Variants in PPP4R3B observed in about 807,000 individuals in gnomAD.
PPP4R3B encodes protein phosphatase 4 regulatory subunit 3B, also known as serine/threonine-protein phosphatase 4 regulatory subunit 3B.
PPP4R3B carries 52 observed loss-of-function variants against 95.4 expected under a neutral mutation model. The ratio of observed to expected loss-of-function variants is 0.54; its 90% CI spans 0.44 to 0.69. PPP4R3B has a LOEUF of 0.69. PPP4R3B is among the 30% of genes least tolerant of loss of function. The pLI is 0.00. For missense variants in PPP4R3B, 1,003 were observed against 1,005.9 expected, an observed-to-expected ratio of 1.00 and a Z score of 0.04; for synonymous variants, 407 against 343.9, an observed-to-expected ratio of 1.18 and a Z score of -2.03.
Position 55,598,700 on chromosome 2 carries a change from T to A in PPP4R3B, c.637A>T (p.Met213Leu), listed in dbSNP as rs1274816055. Residue 213 changes from methionine (M) to leucine (L), a missense_variant, in exon 4 of 17, where the codon ATG becomes TTG. Coordinates refer to ENST00000616407, the MANE Select transcript of PPP4R3B (RefSeq NM_001122964.3). ...TCCATGATACACTCATCAGAAAACA[T>A]TACCTCAAAAAGAGTTGCCTTATTT... ...FLNKATLFEV[M>L]FSDECIMDVV... 1 of 1,614,212 alleles carries A rather than the reference T, an allele frequency of 6.2e-7. No homozygotes were observed. The highest frequency in any genetic ancestry group is 8.5e-7 in the Non-Finnish European group (1 of 1,180,038).
At chr2:55,606,046 T>G (rs982932282) in intron 2 of PPP4R3B, among the ~76,000 whole-genome samples, 1 of 150,446 alleles carries the variant, frequency 6.6e-6, no homozygotes, top group East Asian at 2.0e-4. Context: ...AAGAAATAAA[T>G]AGAGCTACTC....
chr2:55,601,916 C>T (rs1692674354), intron 3 of PPP4R3B, among the ~76,000 whole-genome samples: 1 of 152,094 alleles, frequency 6.6e-6, no homozygotes, highest in African/African-American at 2.4e-5. Flanking sequence ...CTGGCCCATG[C>T]TGCAGTTATT....
At chr2:55,580,824 G>C (rs1010877063) in intron 8 of PPP4R3B, among the ~76,000 whole-genome samples, 3 of 152,026 alleles carry the variant, frequency 2.0e-5, no homozygotes, top group Admixed American at 6.6e-5. Flanking sequence ...TAATATTCTG[G>C]AGTATCTAAT....
Position 55,584,349 on chromosome 2 carries a change from T to G in PPP4R3B, c.1233+702A>C, listed in dbSNP as rs189197171. Among the ~76,000 whole-genome samples, 11 of 152,314 alleles carry G rather than the reference T, an allele frequency of 7.2e-5. No homozygotes were observed. The East Asian group carries it at 2.1e-3, about 29-fold the overall frequency. On this transcript the variant is annotated intron_variant, in intron 7 of 16. Coordinates refer to ENST00000616407, the MANE Select transcript of PPP4R3B (RefSeq NM_001122964.3). ...CATTATTAAACTGTCTTTTTTTTAA[T>G]GTTTTTTATTTCCATAGGTGGTTGG...
chr2:55,603,567 C>T (rs1403941376), intron 3 of PPP4R3B, among the ~76,000 whole-genome samples: 9 of 152,170 alleles, frequency 5.9e-5, no homozygotes, highest in Admixed American at 5.9e-4. Flanking sequence ...ACTCTAAGTT[C>T]CACATAAACT....
In PPP4R3B at chr2:55,614,426, A is replaced by G. The variant is rs192306206; in HGVS notation, c.198+1025T>C. On this transcript the variant is annotated intron_variant, in intron 2 of 16. Transcript: ENST00000616407. ...CTATACAGAGTTTAAAAAGAAAACT[A>G]GATCTACATTGTTAACATGAACGAA... is the stretch of plus-strand genomic sequence containing the variant. 1.6e-4 allele frequency: 25 copies of G among 152,356 alleles called. No individual in the cohort carries two copies. The East Asian group carries it at 3.1e-3, about 19-fold the overall frequency. The allele number at this position is 152,356 out of a possible 1,614,324, so 9.4% of individuals were successfully genotyped here.
At chr2:55,584,477 G>GT (rs1398974517) in intron 7 of PPP4R3B, among the ~76,000 whole-genome samples, 1 of 152,018 alleles carries the variant, frequency 6.6e-6, no homozygotes, top group Non-Finnish European at 1.5e-5. Context: ...CCTATTTGTA[G>GT]TTTTTTTATC....
chr2:55,572,538 C>A (rs1377811667), intron 12 of PPP4R3B, among the ~76,000 whole-genome samples: 1 of 152,100 alleles, frequency 6.6e-6, no homozygotes, highest in African/African-American at 2.4e-5. Flanking sequence ...TTTTCAGTAT[C>A]AGATTGATAA....
At chr2:55,574,676 C>T (rs62165197) in intron 11 of PPP4R3B, among the ~76,000 whole-genome samples, 66,998 of 150,852 alleles carry the variant, frequency 0.44, 15,676 homozygotes, top group Non-Finnish European at 0.52. Flanking sequence ...TCACAGTAAG[C>T]TCCATCTCCT....
intron 1 of PPP4R3B, among the ~76,000 whole-genome samples, chr2:55,616,884 C>T (rs772503085): frequency 6.6e-6 from 1 of 152,154 alleles, no homozygotes; most frequent in Non-Finnish European, 1.5e-5. Context: ...CTCTCACACT[C>T]TCCCCTCTTC....
chr2:55,585,770 C>A (rs1392832590), intron 6 of PPP4R3B, among the ~76,000 whole-genome samples: 3 of 152,130 alleles, frequency 2.0e-5, no homozygotes, highest in African/African-American at 7.2e-5. Context: ...GAAAACACTC[C>A]CCAACCCAGC....
At position 55,599,027 on chromosome 2, in the gene PPP4R3B, C is replaced by G. The variant is rs147747743; in HGVS notation, c.310G>C (p.Asp104His). Residue 104 changes from aspartate to histidine, a missense_variant, in exon 4 of 17, where the codon GAC becomes CAC. Physicochemically the swap from Asp to His is moderately conservative, Grantham distance 81 (BLOSUM62 -1). Transcript: ENST00000616407. ...TCCTGTGTGACTTCCACTGATGGGTCTTTACCTTGAACCTAAAAATATCCA... is the reference window on the plus strand; with the variant it reads ...TCCTGTGTGACTTCCACTGATGGGTGTTTACCTTGAACCTAAAAATATCCA... ...WEKICQVQGK[D>H]PSVEVTQDLI... 2.2e-5 allele frequency: 35 copies of G among 1,605,566 alleles called. No individual in the cohort carries two copies. The African/African-American group carries it at 4.7e-4, about 22-fold the overall frequency.
chr2:55,594,514 C>T (rs1691494217), intron 4 of PPP4R3B, among the ~76,000 whole-genome samples: 1 of 151,992 alleles, frequency 6.6e-6, no homozygotes, highest in Admixed American at 6.6e-5. Context: ...TTATAAAATA[C>T]ATAAAATGAC....
chr2:55,599,095 T>G, intron 3 of PPP4R3B, 56 bp from the exon 4 acceptor site: 1 of 1,469,530 alleles, frequency 6.8e-7, no homozygotes. Flanking sequence ...AATTCAAAAT[T>G]TTGGAAATCA....
At chr2:55,589,927 AAATTATATATATATAAAAAATATATAT>A (rs1309435390) in intron 4 of PPP4R3B, among the ~76,000 whole-genome samples, 4,927 of 144,624 alleles carry the variant, frequency 0.034, 120 homozygotes, top group South Asian at 0.082. Flanking sequence ...AAAAAAAAAA[AAATTATATATATATAAAAAATATATAT>A]AATTATATAT....
intron 2 of PPP4R3B, among the ~76,000 whole-genome samples, chr2:55,613,805 A>T (rs1036438268): frequency 1.8e-5 from 2 of 114,074 alleles, no homozygotes; most frequent in Non-Finnish European, 3.3e-5. Flanking sequence ...TAAGGGAAAT[A>T]TGGTAAAAAA....
At chr2:55,605,813 A>G (rs1572719590) in intron 2 of PPP4R3B, among the ~76,000 whole-genome samples, 1 of 151,866 alleles carries the variant, frequency 6.6e-6, no homozygotes, top group South Asian at 2.1e-4. Context: ...GGCTGAGGCA[A>G]AAGAATCGCT....
chr2:55,586,545 AT>A, intron 6 of PPP4R3B, 72 bp downstream of exon 6: 1 of 806,154 alleles, frequency 1.2e-6, no homozygotes, highest in South Asian at 1.8e-5. Flanking sequence ...ATTATTATAT[AT>A]TTTCCCATCC....
rs767612435 is a variant in PPP4R3B at position 55,581,649 on chromosome 2, T to C, written c.1283A>G (p.Asp428Gly). The change falls in exon 8 of 17, where the codon GAT (aspartate) becomes GGT (glycine). Residue 428 changes from aspartate (D) to glycine (G), a missense_variant. Physicochemically the swap from Asp to Gly is moderately conservative, Grantham distance 94 (BLOSUM62 -1). Coordinates refer to ENST00000616407, the MANE Select transcript of PPP4R3B (RefSeq NM_001122964.3). ...CTGAACAGCGCCTCCTAGCTCAGGATCAGTATCACAGATCATTTGTTCAAT... is the reference window on the plus strand; with the variant it reads ...CTGAACAGCGCCTCCTAGCTCAGGACCAGTATCACAGATCATTTGTTCAAT... ...VVIEQMICDTDPELGGAVQLM... is the reference protein window; with the variant it reads ...VVIEQMICDTGPELGGAVQLM... 1 of 1,613,720 alleles carries C rather than the reference T, an allele frequency of 6.2e-7. No individual in the cohort carries two copies. The highest frequency in any genetic ancestry group is 1.7e-5 in the Admixed American group (1 of 60,006).
Sources: allele counts gnomAD v4.1 joint callset (sites outside exome capture counted in the v4.1 genomes callset), GRCh38; gene constraint gnomAD v4.1.1; transcripts MANE v1.5; gene names NCBI Gene and HGNC (gene_info 2026-07-23, HGNC 2026-07-21).